Variants in GCFC2 observed in about 807,000 individuals in gnomAD.
GCFC2 encodes the protein GC-rich sequence DNA-binding factor 2.
A neutral mutation model predicts 99.4 loss-of-function variants in GCFC2; 102 were observed. The observed-to-expected ratio is 1.03, with a 90% CI of 0.87 to 1.21. The LOEUF (loss-of-function observed/expected upper bound fraction) is 1.21. GCFC2 is among the 50% of genes most tolerant of loss of function. The pLI, the probability that GCFC2 is intolerant of heterozygous loss-of-function variation, is 0.00. For missense variants in GCFC2, 973 were observed against 920.9 expected (o/e 1.06, Z -0.73); for synonymous variants, 338 against 316.8 (o/e 1.07, Z -0.71).
chr2:75,681,463 C>A (rs1348427493), intron 11 of GCFC2, among the ~76,000 whole-genome samples: 3 of 151,936 alleles, frequency 2.0e-5, no homozygotes, highest in Admixed American at 1.3e-4. Context: ...CCAGTGCCTA[C>A]CCCACCAGGG....
chr2:75,706,504 A>C lies in GCFC2; in HGVS notation c.394+19T>G, dbSNP rs1573097492. The C allele has an allele frequency of 1.3e-6, 2 of 1,523,128 alleles. No homozygotes were observed. The highest frequency in any genetic ancestry group is 4.5e-5 in the East Asian group (2 of 44,286). The allele number at this position is 1,523,128 out of a possible 1,614,324, so 94.4% of individuals were successfully genotyped here. A position where few individuals can be genotyped will look rare whatever the true frequency, so the allele number is the denominator to read the frequency against. Reference sequence around the variant, plus strand: ...TATTAAAAATAAAATTCTTAACCAAAATCATACAAATTACTAACCTGTTGA... The same window carrying C: ...TATTAAAAATAAAATTCTTAACCAACATCATACAAATTACTAACCTGTTGA... On this transcript the variant is annotated intron_variant, in intron 2 of 16. Coordinates refer to ENST00000321027, the MANE Select transcript of GCFC2 (RefSeq NM_003203.5).
At chr2:75,689,688 G>C (rs112639214) in intron 9 of GCFC2, among the ~76,000 whole-genome samples, 33 of 152,176 alleles carry the variant, frequency 2.2e-4, no homozygotes, top group African/African-American at 7.9e-4. Context: ...AATATAGAAA[G>C]TATGTGTGGT....
intron 4 of GCFC2, among the ~76,000 whole-genome samples, chr2:75,697,046 A>C (rs1680359546): frequency 6.6e-6 from 1 of 152,174 alleles, no homozygotes; most frequent in Admixed American, 6.5e-5. Context: ...GTGGCCTCCC[A>C]AAGTATTGGG....
chr2:75,678,606 A>G (rs372137692), intron 12 of GCFC2, among the ~76,000 whole-genome samples: 9 of 152,168 alleles, frequency 5.9e-5, no homozygotes. Flanking sequence ...TACTTTATCT[A>G]TGCTGCTCAA....
chr2:75,691,531 A>T (rs1230470372), intron 7 of GCFC2, among the ~76,000 whole-genome samples: 1 of 152,146 alleles, frequency 6.6e-6, no homozygotes, highest in African/African-American at 2.4e-5. Context: ...ATAGCACCTT[A>T]ATCAAAGGAA....
chr2:75,696,248 G>A lies in GCFC2; in HGVS notation c.785C>T (p.Ser262Leu). The A allele has an allele frequency of 6.7e-7, 1 of 1,499,772 alleles. No homozygotes were observed. The highest frequency in any genetic ancestry group is 1.1e-5 in the South Asian group (1 of 88,288). The allele number at this position is 1,499,772 out of a possible 1,614,324, so 92.9% of individuals were successfully genotyped here. ...SKVKKFDTSI[S>L]FPPVNLEIIK... is the part of the protein sequence containing the mutation. The stretch of plus-strand genomic sequence containing the variant: ...AATTTCTAAATTTACTGGCGGAAAT[G>A]AAATGGAAGTATCAAATTTCTTCAC... The change falls in exon 5 of 17, where the codon TCA becomes TTA. Residue 262 changes from serine (S) to leucine (L), a missense_variant. Physicochemically the swap from Ser to Leu is moderately radical, Grantham distance 145. Coordinates refer to ENST00000321027, the MANE Select transcript of GCFC2 (RefSeq NM_003203.5).
chr2:75,690,929 A>G (rs779628448), intron 7 of GCFC2: 1 of 412,378 alleles, frequency 2.4e-6, no homozygotes, highest in Non-Finnish European at 4.3e-6. Flanking sequence ...TAGCCTAAAA[A>G]TGTACTTTGG....
chr2:75,680,073 T>C lies in GCFC2; in HGVS notation c.1812+120A>G, dbSNP rs1017679827. 5 of 683,304 alleles carry C rather than the reference T, an allele frequency of 7.3e-6. No homozygotes were observed. In the East Asian group the frequency reaches 8.4e-5, roughly 11 times the overall value. 42.3% of individuals were successfully genotyped at this position (683,304 alleles called of 1,614,324 possible). ...AGTTTCTATAAATCAAAAGTAAATA[T>C]GTTTTCCCCCAAACAGTTTTCTGAT... On this transcript the variant is annotated intron_variant, in intron 12 of 16. Transcript: ENST00000321027.
intron 10 of GCFC2, 84 bp from the exon 11 acceptor site, chr2:75,688,061 AC>A: frequency 1.2e-6 from 1 of 814,664 alleles, no homozygotes; most frequent in Non-Finnish European, 1.9e-6. Flanking sequence ...TTCAATAATC[AC>A]CAGAGCTTTT....
chr2:75,704,037 G>C (rs1414778816), intron 2 of GCFC2, among the ~76,000 whole-genome samples: 1 of 152,204 alleles, frequency 6.6e-6, no homozygotes, highest in African/African-American at 2.4e-5. Context: ...CCAAGGAAGA[G>C]AAGAGTATTG....
At chr2:75,683,758 A>G (rs775519153) in intron 11 of GCFC2, among the ~76,000 whole-genome samples, 7 of 146,072 alleles carry the variant, frequency 4.8e-5, no homozygotes, top group Non-Finnish European at 1.0e-4. Context: ...ATATTTACCA[A>G]GTAAATGGAA....
At chr2:75,669,018 C>T (rs1210496009) in intron 15 of GCFC2, among the ~76,000 whole-genome samples, 2 of 152,216 alleles carry the variant, frequency 1.3e-5, no homozygotes, top group Admixed American at 1.3e-4. Flanking sequence ...AAAATGTTTG[C>T]CAACACAACT....
At chr2:75,666,086 G>A (rs965301428) in intron 15 of GCFC2, 33 bp from the exon 16 acceptor site, 2 of 1,551,830 alleles carry the variant, frequency 1.3e-6, no homozygotes, top group Non-Finnish European at 1.8e-6. Flanking sequence ...GGTTTACAAT[G>A]ACAGTTATCT....
chr2:75,695,032 G>C (rs1680246156), intron 5 of GCFC2, among the ~76,000 whole-genome samples: 1 of 151,908 alleles, frequency 6.6e-6, no homozygotes, highest in Non-Finnish European at 1.5e-5. Flanking sequence ...AAAAAACCTA[G>C]TTAATAAAAA....
chr2:75,702,162 A>C, intron 3 of GCFC2, 37 bp downstream of exon 3: 1 of 1,583,032 alleles, frequency 6.3e-7, no homozygotes, highest in Non-Finnish European at 8.6e-7. Flanking sequence ...ATTCTAATAA[A>C]AAATATCCTA....
At chr2:75,672,276 A>C (rs1679136083) in intron 13 of GCFC2, among the ~76,000 whole-genome samples, 1 of 128,138 alleles carries the variant, frequency 7.8e-6, no homozygotes, top group Non-Finnish European at 1.6e-5. Flanking sequence ...ATATATTTAT[A>C]AATATGTTTA....
chr2:75,709,880 T>C (rs192345725), intron 1 of GCFC2, among the ~76,000 whole-genome samples: 2 of 152,312 alleles, frequency 1.3e-5, no homozygotes, highest in Admixed American at 1.3e-4. Context: ...ATTTTAGCTC[T>C]CAAGACTAAC....
upstream of GCFC2, among the ~76,000 whole-genome samples, chr2:75,711,616 C>T (rs932263469): frequency 6.6e-6 from 1 of 152,224 alleles, no homozygotes; most frequent in Non-Finnish European, 1.5e-5. Context: ...GAGGTGACAG[C>T]GGGCCAGCTG....
chr2:75,692,823 A>G (rs921973531), intron 6 of GCFC2, among the ~76,000 whole-genome samples: 4 of 152,116 alleles, frequency 2.6e-5, no homozygotes, highest in African/African-American at 9.7e-5. Flanking sequence ...AAATTTGAAA[A>G]ATCGGGGAAT....
Sources: gnomAD v4.1 joint callset for allele counts (sites outside exome capture counted in the v4.1 genomes callset) on GRCh38, gnomAD v4.1.1 for gene constraint, MANE v1.5 for transcripts, NCBI Gene and HGNC (gene_info 2026-07-23, HGNC 2026-07-21) for gene names.